ITGBL1: variants seen among roughly 807,000 people sequenced by gnomAD.
The protein encoded by ITGBL1 is integrin beta-like protein 1.
A neutral mutation model predicts 68.5 loss-of-function variants in ITGBL1; 51 were observed. The ratio of observed to expected loss-of-function variants is 0.74; its 90% CI spans 0.59 to 0.94. The LOEUF (loss-of-function observed/expected upper bound fraction) is 0.94, where lower values mean the gene tolerates loss of function less well. ITGBL1 is among the 40% of genes least tolerant of loss of function. ITGBL1 has a pLI of 0.00. For missense variants in ITGBL1, 649 were observed against 647.4 expected (o/e 1.00, Z -0.03); for synonymous variants, 209 against 227.3 (o/e 0.92, Z 0.72).
At chr13:101,554,925 G>A (rs1016935267) in intron 2 of ITGBL1, among the ~76,000 whole-genome samples, 6 of 152,158 alleles carry the variant, frequency 3.9e-5, no homozygotes, top group African/African-American at 1.4e-4. Context: ...GTATTACTCT[G>A]TCTTCCCCCA....
chr13:101,494,670 G>A (rs777717681), intron 2 of ITGBL1, among the ~76,000 whole-genome samples: 1 of 152,084 alleles, frequency 6.6e-6, no homozygotes, highest in Non-Finnish European at 1.5e-5. Flanking sequence ...ATAAATGATA[G>A]CATATTAACT....
At chr13:101,584,875 C>A (rs3783210) in intron 6 of ITGBL1, among the ~76,000 whole-genome samples, 11,478 of 151,506 alleles carry the variant, frequency 0.076, 571 homozygotes, top group East Asian at 0.14. Context: ...TGATGTAGGG[C>A]TCATGAATTG....
At chr13:101,706,959 A>C in intron 9 of ITGBL1, 57 bp downstream of exon 9, 1 of 1,553,120 alleles carries the variant, frequency 6.4e-7, no homozygotes, top group Non-Finnish European at 8.8e-7. Context: ...TGATTTGTAG[A>C]ACAGCATGTA....
chr13:101,535,444 C>T (rs1460242461), intron 2 of ITGBL1, among the ~76,000 whole-genome samples: 6 of 152,014 alleles, frequency 3.9e-5, no homozygotes, highest in Non-Finnish European at 4.4e-5. Flanking sequence ...ACATCCTGGT[C>T]AAATTATTTT....
At chr13:101,696,907 T>C (rs2139565882) in intron 8 of ITGBL1, among the ~76,000 whole-genome samples, 1 of 152,266 alleles carries the variant, frequency 6.6e-6, no homozygotes, top group Non-Finnish European at 1.5e-5. Context: ...GAGGATGTGA[T>C]TTGGACCTTG....
At chr13:101,530,035 G>T (rs1471955004) in intron 2 of ITGBL1, among the ~76,000 whole-genome samples, 2 of 152,112 alleles carry the variant, frequency 1.3e-5, no homozygotes, top group South Asian at 2.1e-4. Flanking sequence ...AGAACTCAGG[G>T]AATATTGAGT....
chr13:101,480,816 G>A (rs1270018656), intron 2 of ITGBL1, among the ~76,000 whole-genome samples: 1 of 151,994 alleles, frequency 6.6e-6, no homozygotes, highest in African/African-American at 2.4e-5. Context: ...TTTTGAAAAT[G>A]AGCATGATGT....
In ITGBL1 at chr13:101,628,964, A is replaced by G. The variant is rs1453373914; in HGVS notation, c.1015+30665A>G. Reference sequence around the variant, plus strand: ...TTCTCATCTGTTTCTAACAGTTTTTATGTCATATATATTGATAATGAGTGA... The same window carrying G: ...TTCTCATCTGTTTCTAACAGTTTTTGTGTCATATATATTGATAATGAGTGA... On this transcript the variant is annotated intron_variant, in intron 7 of 10. Transcript: ENST00000376180. Among the ~76,000 whole-genome samples the G allele has an allele frequency of 4.6e-5, 7 of 152,116 alleles. No homozygotes were observed. The South Asian group carries it at 1.4e-3, about 32-fold the overall frequency.
chr13:101,498,462 A>C (rs1201197977), intron 2 of ITGBL1, among the ~76,000 whole-genome samples: 1 of 152,160 alleles, frequency 6.6e-6, no homozygotes, highest in Non-Finnish European at 1.5e-5. Flanking sequence ...AGTACCTGTG[A>C]TTTGTTTATC....
chr13:101,496,629 T>A (rs1436932327), intron 2 of ITGBL1, among the ~76,000 whole-genome samples: 2 of 152,184 alleles, frequency 1.3e-5, no homozygotes, highest in African/African-American at 4.8e-5. Flanking sequence ...GCCTTTGACT[T>A]TCCCTTGGAA....
chr13:101,458,944 AT>A (rs368528248), intron 2 of ITGBL1, among the ~76,000 whole-genome samples: 2 of 152,116 alleles, frequency 1.3e-5, no homozygotes, highest in East Asian at 1.9e-4. Flanking sequence ...CAGAATTATT[AT>A]TTTTTTAAAG....
At chr13:101,479,329 A>T (rs1220481480) in intron 2 of ITGBL1, among the ~76,000 whole-genome samples, 1 of 152,108 alleles carries the variant, frequency 6.6e-6, no homozygotes, top group African/African-American at 2.4e-5. Flanking sequence ...AAAGACTTAA[A>T]TCTAAGACCT....
At chr13:101,505,807 C>T (rs556670288) in intron 2 of ITGBL1, among the ~76,000 whole-genome samples, 1 of 152,322 alleles carries the variant, frequency 6.6e-6, no homozygotes, top group African/African-American at 2.4e-5. Flanking sequence ...ACTGTTTGAA[C>T]TAGCCACTGA....
intron 7 of ITGBL1, among the ~76,000 whole-genome samples, chr13:101,662,602 G>A (rs900140905): frequency 3.2e-4 from 48 of 151,952 alleles, no homozygotes; most frequent in African/African-American, 9.7e-4. Flanking sequence ...ACTGTAATTG[G>A]AAGCATATTT....
intron 7 of ITGBL1, among the ~76,000 whole-genome samples, chr13:101,609,699 TTTTG>T (rs1478559092): frequency 2.6e-5 from 4 of 152,162 alleles, no homozygotes; most frequent in Non-Finnish European, 2.9e-5. Context: ...AATTTAATAC[TTTTG>T]TTTATTTTTA....
intron 2 of ITGBL1, among the ~76,000 whole-genome samples, chr13:101,551,072 T>A (rs769422674): frequency 3.1e-4 from 47 of 152,144 alleles, no homozygotes; most frequent in Non-Finnish European, 5.9e-4. Context: ...TCTGTCATCA[T>A]GTAGGCATGA....
chr13:101,542,648 C>G (rs1302309063), intron 2 of ITGBL1, among the ~76,000 whole-genome samples: 1 of 152,142 alleles, frequency 6.6e-6, no homozygotes, highest in Non-Finnish European at 1.5e-5. Flanking sequence ...CTAATGTTGA[C>G]AGTGGGGTAT....
chr13:101,632,143 C>A (rs554904703), intron 7 of ITGBL1, among the ~76,000 whole-genome samples: 177 of 148,656 alleles, frequency 1.2e-3, no homozygotes, highest in Admixed American at 5.2e-3. Context: ...CTCTCTCTCT[C>A]TCTCTCTATA....
intron 2 of ITGBL1, among the ~76,000 whole-genome samples, chr13:101,549,893 C>G (rs1382810093): frequency 6.6e-6 from 1 of 151,998 alleles, no homozygotes; most frequent in Non-Finnish European, 1.5e-5. Flanking sequence ...ACATAGCTTT[C>G]ATCCGTAAAT....
Sources: gnomAD v4.1 joint callset for allele counts (sites outside exome capture counted in the v4.1 genomes callset) on GRCh38, gnomAD v4.1.1 for gene constraint, MANE v1.5 for transcripts, NCBI Gene and HGNC (gene_info 2026-07-23, HGNC 2026-07-21) for gene names.